TARS1: variants seen among roughly 807,000 people sequenced by gnomAD.
TARS1 encodes threonyl-tRNA synthetase 1.
TARS1 carries 57 observed loss-of-function variants against 97.7 expected under a neutral mutation model. The observed-to-expected ratio is 0.58, with a 90% confidence interval of 0.47 to 0.73. The LOEUF (loss-of-function observed/expected upper bound fraction) is 0.73, where lower values mean the gene tolerates loss of function less well. Ranked by LOEUF, TARS1 falls within the 30% of genes least tolerant of loss-of-function variation. The pLI is 0.00. For synonymous variants in TARS1, 312 were observed against 293.7 expected (o/e 1.06, Z -0.64); for missense variants, 806 against 888.3 (o/e 0.91, Z 1.18).
chr5:33,452,047 G>A (rs986241641), intron 3 of TARS1, among the ~76,000 whole-genome samples: 8 of 152,192 alleles, frequency 5.3e-5, no homozygotes, highest in African/African-American at 1.9e-4. Context: ...ATAGAAAGGA[G>A]TTTGTTGTTT....
intron 18 of TARS1, 113 bp downstream of exon 18, chr5:33,467,098 C>T (rs1236376164): frequency 2.4e-6 from 1 of 422,216 alleles, no homozygotes; most frequent in African/African-American, 2.1e-5. Flanking sequence ...TCCTTCCAGT[C>T]CTGATTTTTT....
chr5:33,457,600 C>A (rs990712194), intron 9 of TARS1, among the ~76,000 whole-genome samples, 197 bp downstream of exon 9: 5 of 152,150 alleles, frequency 3.3e-5, no homozygotes, highest in Admixed American at 3.3e-4. Context: ...TGCTCAGTAC[C>A]GCACAAAAAT....
chr5:33,466,876 A>G lies in TARS1; in HGVS notation c.1914A>G (p.Arg638=). 2 of 1,595,834 alleles carry G rather than the reference A, an allele frequency of 1.3e-6. No homozygotes were observed. Among genetic ancestry groups the G allele is most frequent in the Non-Finnish European group, 1.7e-6 (2 of 1,172,034 alleles). Residue 638 remains arginine, a synonymous_variant, in exon 18 of 19, where the codon CGA becomes CGG. Transcript: ENST00000265112. ...CTGTATCTCTGTTACAATAGGTACG[A>G]CAACAATTCCACGATGCCAAATTCA... is the stretch of plus-strand genomic sequence containing the variant. ...PTCDEYAQKV[R]QQFHDAKFMA...
intron 3 of TARS1, among the ~76,000 whole-genome samples, chr5:33,451,876 T>G (rs1741756559): frequency 6.6e-6 from 1 of 152,212 alleles, no homozygotes; most frequent in Non-Finnish European, 1.5e-5. Flanking sequence ...TTTAATCTCC[T>G]GAAAACTGTT....
intron 1 of TARS1, among the ~76,000 whole-genome samples, chr5:33,443,308 T>TCTCTCTCTCC (rs1741215295): frequency 2.3e-5 from 3 of 128,862 alleles, no homozygotes; most frequent in East Asian, 2.9e-4. Flanking sequence ...GGTGATTCCC[T>TCTCTCTCTCC]CTCTCTCTCT....
rs1428637530 is a variant in TARS1, at chr5:33,455,316, C to G, written c.575+250C>G. 2.6e-5 allele frequency among the ~76,000 whole-genome samples: 4 copies of G among 152,124 alleles called. No individual in the cohort carries two copies. The South Asian group carries it at 6.2e-4, about 24-fold the overall frequency. Reference sequence around the variant, plus strand: ...AATTCAGGGAGACTGGTCCTCCCCTCTCCTTTAAAACCTGGTGATAGAGTT... The same window carrying G: ...AATTCAGGGAGACTGGTCCTCCCCTGTCCTTTAAAACCTGGTGATAGAGTT... On this transcript the variant is annotated intron_variant, in intron 5 of 18. Coordinates refer to ENST00000265112, the MANE Select transcript of TARS1 (RefSeq NM_152295.5).
chr5:33,453,456 C>A, intron 4 of TARS1, 44 bp downstream of exon 4: 3 of 1,609,414 alleles, frequency 1.9e-6, no homozygotes, highest in Non-Finnish European at 2.5e-6. Flanking sequence ...GATGCAGATT[C>A]ACATTTGAAG....
upstream of TARS1, chr5:33,440,918 G>T: frequency 1.5e-6 from 1 of 686,996 alleles, no homozygotes; most frequent in South Asian, 1.9e-5. Context: ...GTTATCCATT[G>T]GCTGCTCGTT....
At chr5:33,455,549 C>A (rs781006095) in intron 5 of TARS1, 38 bp from the exon 6 acceptor site, 2 of 1,368,354 alleles carry the variant, frequency 1.5e-6, no homozygotes, top group South Asian at 1.4e-5. Context: ...TGGTGTGATT[C>A]GAATGGAATG....
chr5:33,445,366 A>G lies in TARS1; in HGVS notation c.100A>G (p.Lys34Glu). ...GAAGCAAAAGGAAGGAGGCAAAAAG[A>G]AGAACAAAGAAGGATCTGGAGATGG... ...EEKQKEGGKKKNKEGSGDGGR... is the reference protein window; with the variant it reads ...EEKQKEGGKKENKEGSGDGGR... Residue 34 changes from lysine to glutamate, a missense_variant, in exon 2 of 19, where the codon AAG becomes GAG. Lys to Glu is a moderately conservative substitution (Grantham distance 56). This residue lies in a region of TARS1 where 356 missense variants were observed against 357.8 expected (regional missense o/e 0.99). Coordinates refer to ENST00000265112, the MANE Select transcript of TARS1 (RefSeq NM_152295.5). The G allele has an allele frequency of 6.2e-7, 1 of 1,613,424 alleles. No individual in the cohort carries two copies. Among genetic ancestry groups the G allele is most frequent in the South Asian group, 1.1e-5 (1 of 90,996 alleles).
intron 17 of TARS1, among the ~76,000 whole-genome samples, chr5:33,464,941 C>T (rs1037367393): frequency 6.6e-6 from 1 of 152,094 alleles, no homozygotes; most frequent in African/African-American, 2.4e-5. Context: ...TGGCGGGCAC[C>T]TGTAGTCCCA....
intron 3 of TARS1, among the ~76,000 whole-genome samples, chr5:33,451,990 GA>G (rs1388146667): frequency 6.6e-6 from 1 of 152,196 alleles, no homozygotes; most frequent in Non-Finnish European, 1.5e-5. Context: ...CAGGAGGAAA[GA>G]AAACATTGTT....
At chr5:33,442,767 G>A (rs1741174008) in intron 1 of TARS1, among the ~76,000 whole-genome samples, 2 of 149,534 alleles carry the variant, frequency 1.3e-5, no homozygotes, top group African/African-American at 2.6e-5. Flanking sequence ...GCCTCCCAAA[G>A]TTCTTGGATT....
chr5:33,445,366 A>T lies in TARS1; in HGVS notation c.100A>T (p.Lys34Ter). Residue 34 changes from lysine to a stop codon, truncating the protein, a stop_gained, in exon 2 of 19, where the codon AAG (lysine) becomes TAG (stop). Transcript: ENST00000265112. LOFTEE classifies it high-confidence loss of function. ...EEKQKEGGKK[K>*]NKEGSGDGGR... The stretch of plus-strand genomic sequence containing the variant: ...GAAGCAAAAGGAAGGAGGCAAAAAG[A>T]AGAACAAAGAAGGATCTGGAGATGG... 1 of 1,613,424 alleles carries T rather than the reference A, an allele frequency of 6.2e-7. No homozygotes were observed. Among genetic ancestry groups the T allele is most frequent in the Non-Finnish European group, 8.5e-7 (1 of 1,179,524 alleles).
chr5:33,448,632 A>C lies in TARS1; in HGVS notation c.230A>C (p.Glu77Ala). The change falls in exon 3 of 19, where the codon GAA becomes GCA. Residue 77 changes from glutamate to alanine, a missense_variant. Physicochemically the swap from Glu to Ala is moderately radical, Grantham distance 107 (BLOSUM62 -1). This residue lies in a region of TARS1 where 356 missense variants were observed against 357.8 expected (regional missense o/e 0.99). Coordinates refer to ENST00000265112, the MANE Select transcript of TARS1 (RefSeq NM_152295.5). Reference protein sequence around the residue: ...EHDSILAEKAEKDSKPIKVTL... With the variant: ...EHDSILAEKAAKDSKPIKVTL... ...GATTCCATTCTGGCAGAAAAGGCAGAAAAAGATAGCAAGCCAATTAAAGTC... is the reference window on the plus strand; with the variant it reads ...GATTCCATTCTGGCAGAAAAGGCAGCAAAAGATAGCAAGCCAATTAAAGTC... 1 of 1,613,932 alleles carries C rather than the reference A, an allele frequency of 6.2e-7. No individual in the cohort carries two copies. Among genetic ancestry groups the C allele is most frequent in the Middle Eastern group, 1.7e-4 (1 of 6,058 alleles).
At chr5:33,461,809 A>C (rs1742306432) in intron 14 of TARS1, 65 bp downstream of exon 14, 1 of 1,595,264 alleles carries the variant, frequency 6.3e-7, no homozygotes, top group Non-Finnish European at 8.6e-7. Flanking sequence ...TACGACTTCG[A>C]AAAAAGTTGG....
chr5:33,467,543 T>G lies in TARS1; in HGVS notation c.2024-17T>G, dbSNP rs1207988962. 3 of 1,606,886 alleles carry G rather than the reference T, an allele frequency of 1.9e-6. No homozygotes were observed. The highest frequency in any genetic ancestry group is 2.5e-6 in the Non-Finnish European group (3 of 1,177,388). On this transcript the variant is annotated splice_polypyrimidine_tract_variant and intron_variant, in intron 18 of 18. Coordinates refer to ENST00000265112, the MANE Select transcript of TARS1 (RefSeq NM_152295.5). ...TCTTTAGATTAAGTCTGACAAAGCT[T>G]TGTGTGTTTGTTTTAGTTGTTGGTG...
At chr5:33,459,927 C>G in intron 11 of TARS1, 66 bp downstream of exon 11, 5 of 1,530,548 alleles carry the variant, frequency 3.3e-6, no homozygotes, top group Non-Finnish European at 2.7e-6. Flanking sequence ...GGGTTCTTCC[C>G]TCCTTTAACA....
At chr5:33,458,465 T>G in intron 9 of TARS1, 101 bp from the exon 10 acceptor site, 1 of 895,136 alleles carries the variant, frequency 1.1e-6, no homozygotes, top group Non-Finnish European at 1.7e-6. Flanking sequence ...ATATGGGACA[T>G]CATGACCATA....
Sources: gnomAD v4.1 joint callset for allele counts (sites outside exome capture counted in the v4.1 genomes callset) on GRCh38, gnomAD v4.1.1 for gene constraint, gnomAD v4.1.1 regional missense constraint, MANE v1.5 for transcripts, NCBI Gene and HGNC (gene_info 2026-07-23, HGNC 2026-07-21) for gene names.